ERAP1: variants seen among roughly 807,000 people sequenced by gnomAD.
ERAP1 encodes endoplasmic reticulum aminopeptidase 1, also known as adipocyte-derived leucine aminopeptidase.
ERAP1 carries 86 observed loss-of-function variants against 103.7 expected under a neutral mutation model. The observed-to-expected ratio is 0.83, with a 90% confidence interval of 0.70 to 0.99. The LOEUF (loss-of-function observed/expected upper bound fraction) is 0.99. Among genes scored for constraint, ERAP1 ranks in the 50% least tolerant of loss-of-function variants. The pLI is 0.00. For synonymous variants in ERAP1, 398 were observed against 402.4 expected (o/e 0.99, Z 0.13); for missense variants, 1,009 against 1,128.4 (o/e 0.89, Z 1.52).
At chr5:96,836,237 T>C in the ERAP1 span, among the ~76,000 whole-genome samples, 1 of 145,568 alleles carries the variant, frequency 6.9e-6, no homozygotes. Flanking sequence ...AGTCTCACTC[T>C]GTCACCCAGA....
chr5:96,922,468 G>A, the ERAP1 span, among the ~76,000 whole-genome samples: 2 of 152,090 alleles, frequency 1.3e-5, no homozygotes, highest in African/African-American at 4.8e-5. Flanking sequence ...TAAGACTGCT[G>A]GCATATAATT....
the ERAP1 span, among the ~76,000 whole-genome samples, chr5:96,839,614 G>T: frequency 1.5e-3 from 223 of 152,168 alleles, 1 homozygote; most frequent in African/African-American, 5.2e-3. Context: ...ATATCGACAC[G>T]GTCCACAGGG....
At chr5:96,846,651 G>T in the ERAP1 span, among the ~76,000 whole-genome samples, 1 of 152,090 alleles carries the variant, frequency 6.6e-6, no homozygotes, top group South Asian at 2.1e-4. Flanking sequence ...TGTTGCTGCT[G>T]GTCTGGGGAT....
chr5:96,850,279 G>A, the ERAP1 span, among the ~76,000 whole-genome samples: 7 of 152,070 alleles, frequency 4.6e-5, no homozygotes, highest in Non-Finnish European at 5.9e-5. Flanking sequence ...GCACAGCAAA[G>A]GCAACAACAG....
the ERAP1 span, among the ~76,000 whole-genome samples, chr5:96,853,029 C>T: frequency 6.6e-6 from 1 of 152,240 alleles, no homozygotes; most frequent in Admixed American, 6.5e-5. Context: ...AAACCCTTCT[C>T]TTGGGTTGCT....
At chr5:96,779,155 C>G (rs1774794417) in intron 18 of ERAP1, among the ~76,000 whole-genome samples, 1 of 152,166 alleles carries the variant, frequency 6.6e-6, no homozygotes, top group Non-Finnish European at 1.5e-5. Context: ...GTTGATTTGT[C>G]TGTAATTGTC....
At chr5:96,880,566 A>G in the ERAP1 span, among the ~76,000 whole-genome samples, 1 of 152,116 alleles carries the variant, frequency 6.6e-6, no homozygotes, top group South Asian at 2.1e-4. Flanking sequence ...GAAATAGGGA[A>G]TGCTTCTCAA....
chr5:96,908,027 G>A, the ERAP1 span, among the ~76,000 whole-genome samples: 85 of 152,152 alleles, frequency 5.6e-4, no homozygotes, highest in African/African-American at 2.0e-3. Context: ...AAGATTAAAG[G>A]GACAACAAAA....
the ERAP1 span, among the ~76,000 whole-genome samples, chr5:96,856,443 G>T: frequency 2.1e-5 from 3 of 142,032 alleles, no homozygotes. Flanking sequence ...TTGCATTTTT[G>T]AGATATAAGT....
intron 2 of ERAP1, 135 bp downstream of exon 2, chr5:96,803,268 T>C: frequency 1.2e-6 from 1 of 850,322 alleles, no homozygotes; most frequent in African/African-American, 1.7e-5. Flanking sequence ...TTTTTAACAC[T>C]ATAAAGAAGA....
At chr5:96,884,076 ATCT>A in the ERAP1 span, 1 of 604,652 alleles carries the variant, frequency 1.7e-6, no homozygotes, top group African/African-American at 2.0e-5. Flanking sequence ...CTATCTATCT[ATCT>A]ATCATCATAA....
chr5:96,803,274 G>C (rs1778187880), intron 2 of ERAP1, 129 bp downstream of exon 2: 2 of 903,558 alleles, frequency 2.2e-6, no homozygotes, highest in African/African-American at 3.4e-5. Context: ...ACACTATAAA[G>C]AAGATGCAAA....
rs1167173886 is a variant in ERAP1 at position 96,807,843 on chromosome 5, G to T, written c.-18+17C>A. 1 of 985,704 alleles carries T rather than the reference G, an allele frequency of 1.0e-6. No homozygotes were observed. Among genetic ancestry groups the T allele is most frequent in the Non-Finnish European group, 1.2e-6 (1 of 830,194 alleles). 61.1% of individuals were successfully genotyped at this position (985,704 alleles called of 1,614,324 possible). The stretch of plus-strand genomic sequence containing the variant: ...CCCGGCCCGCAGTCCCCTACCCGCG[G>T]CTCGAGCGCGCTGTACCTGGGGTTC... On this transcript the variant is annotated intron_variant, in intron 1 of 18. Transcript: ENST00000443439.
chr5:96,899,601 T>C, the ERAP1 span, among the ~76,000 whole-genome samples: 1 of 152,236 alleles, frequency 6.6e-6, no homozygotes, highest in Non-Finnish European at 1.5e-5. Context: ...AATTCTTATT[T>C]TATTCCCAGT....
the ERAP1 span, among the ~76,000 whole-genome samples, chr5:96,863,920 T>C: frequency 1.3e-5 from 2 of 152,174 alleles, no homozygotes; most frequent in East Asian, 3.9e-4. Flanking sequence ...CCTTTTCAAA[T>C]AATCATTTAA....
chr5:96,784,010 G>A lies in ERAP1; in HGVS notation c.2014C>T (p.Pro672Ser). The A allele has an allele frequency of 6.2e-7, 1 of 1,613,728 alleles. No homozygotes were observed. Among genetic ancestry groups the A allele is most frequent in the Non-Finnish European group, 8.5e-7 (1 of 1,179,806 alleles). The part of the protein sequence containing the change: ...LYLKHETEIM[P>S]VFQGLNELIP... Reference sequence around the variant, plus strand: ...AGCTCATTCAAACCTTGAAACACGGGCATAATTTCAGTTTCATGTTTCAAG... The same window carrying A: ...AGCTCATTCAAACCTTGAAACACGGACATAATTTCAGTTTCATGTTTCAAG... Residue 672 changes from proline to serine, a missense_variant, in exon 14 of 19, where the codon CCC becomes TCC. This residue lies in a region of ERAP1 where 611 missense variants were observed against 651.7 expected (regional missense o/e 0.94). Transcript: ENST00000443439.
the ERAP1 span, chr5:96,892,256 G>T: frequency 1.2e-6 from 2 of 1,602,716 alleles, no homozygotes; most frequent in Non-Finnish European, 1.7e-6. Flanking sequence ...TATTTCTGGT[G>T]TGGGAGCCAT....
the ERAP1 span, chr5:96,896,741 A>G: frequency 1.9e-6 from 3 of 1,577,198 alleles, no homozygotes; most frequent in Non-Finnish European, 2.6e-6. Flanking sequence ...GGGAGCTTGT[A>G]TTTTGAATAT....
At chr5:96,853,264 C>A in the ERAP1 span, among the ~76,000 whole-genome samples, 1,101 of 152,254 alleles carry the variant, frequency 7.2e-3, 9 homozygotes, top group Non-Finnish European at 0.012. Context: ...ATTGTAGCCC[C>A]TGATCCCAGG....
Sources: gnomAD v4.1 joint callset for allele counts (sites outside exome capture counted in the v4.1 genomes callset) on GRCh38, gnomAD v4.1.1 for gene constraint, gnomAD v4.1.1 regional missense constraint, MANE v1.5 for transcripts, NCBI Gene and HGNC (gene_info 2026-07-23, HGNC 2026-07-21) for gene names.